NAALADL2: variants seen among roughly 807,000 people sequenced by gnomAD.
NAALADL2 encodes N-acetylated alpha-linked acidic dipeptidase like 2.
NAALADL2 carries 76 observed loss-of-function variants against 87.2 expected under a neutral mutation model. That is an observed-to-expected ratio of 0.87 (90% CI 0.72 to 1.05). The LOEUF (loss-of-function observed/expected upper bound fraction) is 1.05, where lower values mean the gene tolerates loss of function less well. Ranked by LOEUF, NAALADL2 falls within the 50% of genes least tolerant of loss-of-function variation. NAALADL2 has a pLI of 0.00. For synonymous variants in NAALADL2, 354 were observed against 331.0 expected, an observed-to-expected ratio of 1.07 and a Z score of -0.75; for missense variants, 1,089 against 945.8, an observed-to-expected ratio of 1.15 and a Z score of -1.99.
chr3:175,471,087 A>G (rs1436481592), intron 8 of NAALADL2, among the ~76,000 whole-genome samples: 1 of 152,166 alleles, frequency 6.6e-6, no homozygotes, highest in Non-Finnish European at 1.5e-5. Flanking sequence ...TGTCAGGAAC[A>G]TGCTTTAATA....
chr3:175,591,365 T>G (rs1356053538), intron 10 of NAALADL2, among the ~76,000 whole-genome samples: 1 of 152,188 alleles, frequency 6.6e-6, no homozygotes, highest in Non-Finnish European at 1.5e-5. Context: ...AAGCATTTGT[T>G]CAACTAGTTT....
At chr3:175,482,043 C>G (rs1049073110) in intron 9 of NAALADL2, among the ~76,000 whole-genome samples, 1 of 144,064 alleles carries the variant, frequency 6.9e-6, no homozygotes, top group South Asian at 2.4e-4. Context: ...TGCACTGAGG[C>G]GAAGCTTACA....
At chr3:175,337,984 A>G (rs1762169326) in intron 5 of NAALADL2, among the ~76,000 whole-genome samples, 1 of 152,072 alleles carries the variant, frequency 6.6e-6, no homozygotes, top group Non-Finnish European at 1.5e-5. Context: ...AACCCTGCCT[A>G]ATAATTCAGT....
At chr3:175,120,709 C>T (rs1483137640) in intron 2 of NAALADL2, among the ~76,000 whole-genome samples, 1 of 151,820 alleles carries the variant, frequency 6.6e-6, no homozygotes, top group Non-Finnish European at 1.5e-5. Context: ...AAAAGTGTAG[C>T]TATTTTCAAC....
chr3:174,518,032 G>T (rs1056376115), intron 1 of NAALADL2, among the ~76,000 whole-genome samples: 1 of 152,058 alleles, frequency 6.6e-6, no homozygotes, highest in Non-Finnish European at 1.5e-5. Context: ...ATGCTGATAA[G>T]TAAAAAATTG....
chr3:174,982,421 G>A (rs983105650), intron 1 of NAALADL2, among the ~76,000 whole-genome samples: 1 of 151,974 alleles, frequency 6.6e-6, no homozygotes, highest in East Asian at 1.9e-4. Context: ...GGCCTCTGAT[G>A]ATTTGAGGAT....
intron 4 of NAALADL2, among the ~76,000 whole-genome samples, chr3:175,293,236 A>G (rs1418003710): frequency 6.6e-6 from 1 of 152,146 alleles, no homozygotes; most frequent in Non-Finnish European, 1.5e-5. Context: ...GGTAGTTACC[A>G]GATAGACATG....
At chr3:175,698,233 G>A (rs1582929403) in intron 11 of NAALADL2, among the ~76,000 whole-genome samples, 1 of 46,992 alleles carries the variant, frequency 2.1e-5, no homozygotes, top group Non-Finnish European at 3.4e-5. Flanking sequence ...ATATATGTAT[G>A]TATACATATA....
chr3:175,011,508 A>G (rs1387192248), intron 1 of NAALADL2, among the ~76,000 whole-genome samples: 2 of 152,204 alleles, frequency 1.3e-5, no homozygotes, highest in Non-Finnish European at 2.9e-5. Flanking sequence ...TATTCAGGTA[A>G]GCAGAGAAGA....
chr3:175,460,137 C>T, intron 6 of NAALADL2: 1 of 456,310 alleles, frequency 2.2e-6, no homozygotes, highest in Non-Finnish European at 4.4e-6. Flanking sequence ...TATTGCCTTA[C>T]CAACGGATTG....
At chr3:174,949,461 G>A (rs567263984) in intron 1 of NAALADL2, among the ~76,000 whole-genome samples, 35 of 152,230 alleles carry the variant, frequency 2.3e-4, no homozygotes, top group African/African-American at 7.5e-4. Flanking sequence ...TGTAATGGGG[G>A]ATATTGTTGC....
At chr3:174,895,748 C>T (rs1731439481) in intron 1 of NAALADL2, among the ~76,000 whole-genome samples, 1 of 151,918 alleles carries the variant, frequency 6.6e-6, no homozygotes, top group African/African-American at 2.4e-5. Context: ...AGCAAACAAA[C>T]AAACAACTGC....
At chr3:175,537,507 A>T (rs1711509740) in intron 9 of NAALADL2, among the ~76,000 whole-genome samples, 1 of 152,230 alleles carries the variant, frequency 6.6e-6, no homozygotes, top group South Asian at 2.1e-4. Flanking sequence ...GTGTTCTCTT[A>T]TACAAATAGC....
intron 10 of NAALADL2, among the ~76,000 whole-genome samples, chr3:175,583,509 A>ATAT (rs1720096173): frequency 7.1e-6 from 1 of 141,832 alleles, no homozygotes; most frequent in African/African-American, 2.5e-5. Context: ...AAAAAAAATC[A>ATAT]GATGTGTGGG....
intron 2 of NAALADL2, among the ~76,000 whole-genome samples, chr3:175,178,248 A>G (rs1735968508): frequency 6.6e-6 from 1 of 152,092 alleles, no homozygotes; most frequent in Non-Finnish European, 1.5e-5. Flanking sequence ...AATTATTATT[A>G]TAATAGAAGA....
intron 9 of NAALADL2, among the ~76,000 whole-genome samples, chr3:175,497,199 C>T (rs948193125): frequency 2.6e-5 from 4 of 152,070 alleles, no homozygotes; most frequent in Non-Finnish European, 5.9e-5. Flanking sequence ...TCAGCCTCCC[C>T]GAGTAGCTGA....
chr3:174,711,160 A>C (rs1730586933), intron 2 of NAALADL2, among the ~76,000 whole-genome samples: 2 of 152,170 alleles, frequency 1.3e-5, no homozygotes, highest in South Asian at 4.1e-4. Flanking sequence ...ACACTTCCAG[A>C]AGTAAAGAAA....
intron 1 of NAALADL2, among the ~76,000 whole-genome samples, chr3:175,066,150 A>T (rs551865232): frequency 1.3e-5 from 2 of 152,284 alleles, no homozygotes; most frequent in African/African-American, 4.8e-5. Context: ...ACTCTCCAGA[A>T]CTAGGTGTGT....
intron 2 of NAALADL2, among the ~76,000 whole-genome samples, chr3:174,697,704 C>T (rs956800131): frequency 5.3e-5 from 8 of 152,084 alleles, no homozygotes; most frequent in Non-Finnish European, 7.3e-5. Flanking sequence ...CCCTAGTTTT[C>T]ACTTATATTT....
Sources: allele counts gnomAD v4.1 joint callset (sites outside exome capture counted in the v4.1 genomes callset), GRCh38; gene constraint gnomAD v4.1.1; transcripts MANE v1.5; gene names NCBI Gene and HGNC (gene_info 2026-07-23, HGNC 2026-07-21).